Variants in TMEM117 observed in about 807,000 individuals in gnomAD.
The protein encoded by TMEM117 is transmembrane protein 117.
Under a neutral mutation model 52.4 loss-of-function variants are expected in TMEM117, and 27 were observed. That is an observed-to-expected ratio of 0.51 (90% CI 0.38 to 0.71). The LOEUF (loss-of-function observed/expected upper bound fraction) is 0.71, where lower values mean the gene tolerates loss of function less well. Among genes scored for constraint, TMEM117 ranks in the 30% least tolerant of loss-of-function variants. The pLI is 0.00. For synonymous variants in TMEM117, 215 were observed against 206.3 expected (o/e 1.04, Z -0.36); for missense variants, 556 against 630.5 (o/e 0.88, Z 1.26).
Position 43,887,700 on chromosome 12 carries a change from T to C in TMEM117, c.277+42772T>C, listed in dbSNP as rs552911563. Among the ~76,000 whole-genome samples the C allele has an allele frequency of 1.7e-4, 26 of 152,220 alleles. 1 individual carries two copies. Among genetic ancestry groups the C allele is most frequent in the Non-Finnish European group, 2.8e-4 (19 of 68,034 alleles). Reference sequence around the variant, plus strand: ...AAAAATTCAGCAGAAGTTACACTTATGACGGCAGAAAGTTCAGCAGAAGTT... The same window carrying C: ...AAAAATTCAGCAGAAGTTACACTTACGACGGCAGAAAGTTCAGCAGAAGTT... On this transcript the variant is annotated intron_variant, in intron 2 of 7. Coordinates refer to ENST00000266534, the MANE Select transcript of TMEM117 (RefSeq NM_032256.3).
In TMEM117 at chr12:44,115,546, T is replaced by C. The variant is rs1452584333; in HGVS notation, c.411-27979T>C. ...AAGACTCAAATAGTATGGGATTTTT[T>C]TTTTTTACTGAAGTCATATAACTTG... On this transcript the variant is annotated intron_variant, in intron 3 of 7. Transcript: ENST00000266534. Among the ~76,000 whole-genome samples, 10 of 152,132 alleles carry C rather than the reference T, an allele frequency of 6.6e-5. No individual in the cohort carries two copies. The East Asian group carries it at 1.9e-3, about 29-fold the overall frequency.
At chr12:44,359,931 C>T (rs1432382819) in intron 6 of TMEM117, among the ~76,000 whole-genome samples, 1 of 152,094 alleles carries the variant, frequency 6.6e-6, no homozygotes, top group Non-Finnish European at 1.5e-5. Flanking sequence ...TTTATCACAT[C>T]ATCATTCAAT....
chr12:44,162,918 G>T (rs150248644), intron 4 of TMEM117, among the ~76,000 whole-genome samples: 147 of 152,248 alleles, frequency 9.7e-4, no homozygotes, highest in African/African-American at 3.2e-3. Context: ...TAAGAGATGT[G>T]ATCAGTGTAT....
chr12:44,297,620 G>T (rs1950784874), intron 5 of TMEM117, among the ~76,000 whole-genome samples: 1 of 152,128 alleles, frequency 6.6e-6, no homozygotes, highest in Non-Finnish European at 1.5e-5. Context: ...CATTTGAAAA[G>T]CCAAGAATGA....
chr12:43,891,133 A>G (rs1196949377), intron 2 of TMEM117, among the ~76,000 whole-genome samples: 1 of 151,842 alleles, frequency 6.6e-6, no homozygotes, highest in Non-Finnish European at 1.5e-5. Flanking sequence ...ATTCCTCCAC[A>G]TTTCAGGATT....
In TMEM117 at chr12:44,284,335, A is replaced by C. The variant is rs116972016; in HGVS notation, c.609-15245A>C. On this transcript the variant is annotated intron_variant, in intron 5 of 7. Coordinates refer to ENST00000266534, the MANE Select transcript of TMEM117 (RefSeq NM_032256.3). Reference sequence around the variant, plus strand: ...CAAAAAAAAAACAACAAAAAAAGTGACTTTCACCTCCCACCATGATTCTGA... The same window carrying C: ...CAAAAAAAAAACAACAAAAAAAGTGCCTTTCACCTCCCACCATGATTCTGA... Among the ~76,000 whole-genome samples, 1,300 of 152,014 alleles carry C rather than the reference A, an allele frequency of 8.6e-3. 24 individuals are homozygous for C. Among genetic ancestry groups the C allele is most frequent in the East Asian group, 0.071 (368 of 5,152 alleles).
In TMEM117 at chr12:44,118,843, G is replaced by A. The variant is rs143066151; in HGVS notation, c.411-24682G>A. Among the ~76,000 whole-genome samples, 482 of 152,152 alleles carry A rather than the reference G, an allele frequency of 3.2e-3. 3 individuals are homozygous for A. Among genetic ancestry groups the A allele is most frequent in the African/African-American group, 0.011 (452 of 41,500 alleles). On this transcript the variant is annotated intron_variant, in intron 3 of 7. Transcript: ENST00000266534. The stretch of plus-strand genomic sequence containing the variant: ...ATGAAATCCTGTTACCCTTTGTCAC[G>A]AGTAGGTTTATTTGCATCTCTGGTT...
chr12:44,396,432 A>C, the TMEM117 span, among the ~76,000 whole-genome samples: 5 of 152,118 alleles, frequency 3.3e-5, no homozygotes, highest in Non-Finnish European at 5.9e-5. Flanking sequence ...CTATTAGATT[A>C]TAAACATTTT....
the TMEM117 span, among the ~76,000 whole-genome samples, chr12:43,824,547 A>C: frequency 6.6e-6 from 1 of 152,240 alleles, no homozygotes; most frequent in Admixed American, 6.5e-5. Context: ...GATTTTCCCA[A>C]ACCATTGTCA....
intron 6 of TMEM117, among the ~76,000 whole-genome samples, chr12:44,320,337 ATTAG>A (rs1951114508): frequency 6.6e-6 from 1 of 152,184 alleles, no homozygotes; most frequent in South Asian, 2.1e-4. Context: ...TTTTGCCTAT[ATTAG>A]TACAAAGCCC....
At chr12:43,856,569 A>G (rs1475070554) in intron 2 of TMEM117, among the ~76,000 whole-genome samples, 1 of 152,218 alleles carries the variant, frequency 6.6e-6, no homozygotes, top group Non-Finnish European at 1.5e-5. Flanking sequence ...TCAACTATAA[A>G]TTAGTTTGCA....
intron 3 of TMEM117, among the ~76,000 whole-genome samples, chr12:44,047,445 G>C (rs995566669): frequency 1.3e-5 from 2 of 152,006 alleles, no homozygotes; most frequent in African/African-American, 2.4e-5. Context: ...ATTTTGGCTT[G>C]GATTTTTTTG....
At chr12:44,253,421 C>T (rs1203599790) in intron 5 of TMEM117, among the ~76,000 whole-genome samples, 1 of 152,094 alleles carries the variant, frequency 6.6e-6, no homozygotes, top group Non-Finnish European at 1.5e-5. Context: ...AAAAGGAGAT[C>T]AGTAATCCAC....
At chr12:44,036,315 A>C (rs842204) in intron 3 of TMEM117, among the ~76,000 whole-genome samples, 1,589 of 152,344 alleles carry the variant, frequency 0.01, 26 homozygotes, top group African/African-American at 0.037. Flanking sequence ...AGCTTAAGCA[A>C]CTAATGTCCT....
At chr12:44,169,718 T>C (rs1412811547) in intron 4 of TMEM117, among the ~76,000 whole-genome samples, 1 of 152,216 alleles carries the variant, frequency 6.6e-6, no homozygotes, top group Non-Finnish European at 1.5e-5. Context: ...ATTTTTTGTT[T>C]TATTGCATGT....
At chr12:43,805,911 G>A in the TMEM117 span, 2 of 1,494,094 alleles carry the variant, frequency 1.3e-6, no homozygotes, top group East Asian at 2.8e-5. Context: ...GGGGAAAGTT[G>A]GGCGACTGTC....
chr12:43,902,327 G>A (rs1363043508), intron 2 of TMEM117, among the ~76,000 whole-genome samples: 1 of 152,172 alleles, frequency 6.6e-6, no homozygotes, highest in African/African-American at 2.4e-5. Context: ...AAAGGCCCAG[G>A]CACAGAAGGA....
At chr12:44,391,010 GT>G (rs1347921193), downstream of TMEM117, among the ~76,000 whole-genome samples, 1 of 151,878 alleles carries the variant, frequency 6.6e-6, no homozygotes, top group African/African-American at 2.4e-5. Flanking sequence ...AGAAATTGAG[GT>G]TAAAAAAAAG....
chr12:43,948,126 C>T (rs1215135687), intron 3 of TMEM117, among the ~76,000 whole-genome samples: 2 of 151,860 alleles, frequency 1.3e-5, no homozygotes, highest in African/African-American at 4.8e-5. Flanking sequence ...TCTGGGGAGC[C>T]AAGCTGAAAG....
Sources: gnomAD v4.1 joint callset for allele counts (sites outside exome capture counted in the v4.1 genomes callset) on GRCh38, gnomAD v4.1.1 for gene constraint, MANE v1.5 for transcripts, NCBI Gene and HGNC (gene_info 2026-07-23, HGNC 2026-07-21) for gene names.